MLIP: variants seen among roughly 807,000 people sequenced by gnomAD.
The protein encoded by MLIP is muscular LMNA interacting protein, also known as muscular LMNA-interacting protein.
A neutral mutation model predicts 84.8 loss-of-function variants in MLIP; 79 were observed. The ratio of observed to expected loss-of-function variants is 0.93; its 90% CI spans 0.78 to 1.12. The LOEUF (loss-of-function observed/expected upper bound fraction) is 1.12, where lower values mean the gene tolerates loss of function less well. Among genes scored for constraint, MLIP ranks in the 50% most tolerant of loss-of-function variants. The probability of loss-of-function intolerance (pLI) is 0.00; values close to 1 mark genes in which losing one functional copy is unlikely to be tolerated. For synonymous variants in MLIP, 504 were observed against 463.0 expected (o/e 1.09, Z -1.14); for missense variants, 1,257 against 1,160.6 (o/e 1.08, Z -1.21).
intron 3 of MLIP, among the ~76,000 whole-genome samples, chr6:54,130,004 A>G (rs1771250583): frequency 6.6e-6 from 1 of 152,100 alleles, no homozygotes; most frequent in Non-Finnish European, 1.5e-5. Flanking sequence ...TGATCTTCCC[A>G]CTGCTACCTC....
At chr6:54,165,908 G>C (rs1004750742) in intron 8 of MLIP, among the ~76,000 whole-genome samples, 55 of 151,888 alleles carry the variant, frequency 3.6e-4, no homozygotes, top group Non-Finnish European at 5.9e-4. Context: ...ACAGTCCAGA[G>C]AGAAACCTCT....
rs548272705 is a variant in MLIP at position 54,095,840 on chromosome 6, G to A, written c.64-25607G>A. On this transcript the variant is annotated intron_variant, in intron 1 of 12. Coordinates refer to the MLIP transcript ENST00000274897. Reference sequence around the variant, plus strand: ...GTTTGTTCATGAATTTGCTTTCATGGTCTCAAGATGAATTGCAAGTTTTCT... The same window carrying A: ...GTTTGTTCATGAATTTGCTTTCATGATCTCAAGATGAATTGCAAGTTTTCT... Among the ~76,000 whole-genome samples, 3 of 152,204 alleles carry A rather than the reference G, an allele frequency of 2.0e-5. No individual in the cohort carries two copies. In the South Asian group the frequency reaches 6.2e-4, roughly 32 times the overall value.
Position 54,170,628 on chromosome 6 carries a change from C to G in MLIP, c.2544+1056C>G, listed in dbSNP as rs564312987. ...GTTGCTTTTAGATAACTGTCTGATT[C>G]TGGGAAAATTACTCACCATTTTACC... is the stretch of plus-strand genomic sequence containing the variant. On this transcript the variant is annotated intron_variant, in intron 9 of 13. Coordinates refer to ENST00000502396, the MANE Select transcript of MLIP (RefSeq NM_001281747.2). 4.6e-5 allele frequency among the ~76,000 whole-genome samples: 7 copies of G among 151,612 alleles called. 1 individual carries two copies. The East Asian group carries it at 7.8e-4, about 17-fold the overall frequency.
At chr6:54,222,781 T>G (rs1780304641) in intron 11 of MLIP, among the ~76,000 whole-genome samples, 1 of 152,040 alleles carries the variant, frequency 6.6e-6, no homozygotes, top group African/African-American at 2.4e-5. Context: ...TTTTAAATTT[T>G]GGGGGGAAAC....
At chr6:54,261,822 T>A in intron 13 of MLIP, 1 of 768,066 alleles carries the variant, frequency 1.3e-6, no homozygotes, top group Non-Finnish European at 1.6e-6. Context: ...TCTATTCTTT[T>A]CAGGCAATTT....
chr6:54,255,996 A>C (rs1308213851), intron 12 of MLIP, among the ~76,000 whole-genome samples: 2 of 152,262 alleles, frequency 1.3e-5, no homozygotes, highest in East Asian at 3.9e-4. Context: ...GGATCTCAGG[A>C]GACTCTGATG....
intron 9 of MLIP, among the ~76,000 whole-genome samples, chr6:54,188,337 T>A (rs1036481618): frequency 1.3e-5 from 2 of 152,170 alleles, no homozygotes. Flanking sequence ...TTTTAATTTT[T>A]AAAACTTTTT....
chr6:54,070,833 C>T (rs1200605903), intron 1 of MLIP, among the ~76,000 whole-genome samples: 1 of 151,988 alleles, frequency 6.6e-6, no homozygotes, highest in Non-Finnish European at 1.5e-5. Flanking sequence ...GCTATATATG[C>T]AACACTTGTA....
chr6:54,053,865 T>C (rs1765503562), intron 1 of MLIP, among the ~76,000 whole-genome samples: 1 of 152,190 alleles, frequency 6.6e-6, no homozygotes, highest in Non-Finnish European at 1.5e-5. Context: ...TAGTGGCTAA[T>C]ATAATAAATA....
chr6:54,081,872 A>G (rs1417986266), intron 1 of MLIP, among the ~76,000 whole-genome samples: 1 of 152,026 alleles, frequency 6.6e-6, no homozygotes, highest in East Asian at 1.9e-4. Flanking sequence ...CTTCTGTCAC[A>G]TTTTTCAGCT....
intron 12 of MLIP, among the ~76,000 whole-genome samples, chr6:54,253,203 A>G (rs1407369639): frequency 1.3e-5 from 2 of 152,058 alleles, no homozygotes; most frequent in Non-Finnish European, 2.9e-5. Context: ...TGATGTGGGT[A>G]TTGCTGCAAT....
At chr6:54,029,282 G>T (rs1763991908) in intron 1 of MLIP, 1 of 152,190 alleles carries the variant, frequency 6.6e-6, no homozygotes, top group African/African-American at 2.4e-5. Flanking sequence ...TGAAGAGGTG[G>T]GGCTTTTAAG....
chr6:54,039,669 T>C (rs1391588593), intron 1 of MLIP, among the ~76,000 whole-genome samples: 1 of 151,838 alleles, frequency 6.6e-6, no homozygotes, highest in African/African-American at 2.4e-5. Context: ...CTAAGAGCAG[T>C]GAAGTTTAAG....
At chr6:54,188,584 A>G (rs1022800313) in intron 9 of MLIP, among the ~76,000 whole-genome samples, 7 of 152,256 alleles carry the variant, frequency 4.6e-5, no homozygotes, top group African/African-American at 1.4e-4. Flanking sequence ...TTTTGGCTCC[A>G]CTATAGTCTT....
chr6:54,160,375 T>C lies in MLIP; in HGVS notation c.2298T>C (p.Asp766=). ...ATTTCATTTGTCACTAGGCACTAGA[T>C]GAACCAGCCAAGACTGAAAGTGTCT... The part of the protein sequence containing the change: ...NTLLLEQKAL[D]EPAKTESVSK... The change falls in exon 6 of 14, where the codon GAT becomes GAC. Residue 766 remains aspartate (D), a synonymous_variant. Transcript: ENST00000502396. 1 of 1,612,118 alleles carries C rather than the reference T, an allele frequency of 6.2e-7. No homozygotes were observed. The highest frequency in any genetic ancestry group is 2.2e-5 in the East Asian group (1 of 44,670).
intron 1 of MLIP, among the ~76,000 whole-genome samples, chr6:54,042,252 A>G (rs888215702): frequency 2.0e-5 from 3 of 152,076 alleles, no homozygotes; most frequent in African/African-American, 7.2e-5. Context: ...TGTCTGGACT[A>G]AGTTTTCCTA....
chr6:54,083,629 A>G (rs1767305925), intron 1 of MLIP: 1 of 1,535,906 alleles, frequency 6.5e-7, no homozygotes, highest in Non-Finnish European at 8.7e-7. Flanking sequence ...GAGTTCTATG[A>G]CATTATTAGT....
At chr6:54,055,970 G>A (rs1402561619) in intron 1 of MLIP, among the ~76,000 whole-genome samples, 1 of 151,896 alleles carries the variant, frequency 6.6e-6, no homozygotes, top group Non-Finnish European at 1.5e-5. Flanking sequence ...TTATTACCAG[G>A]TAAATGGTTG....
intron 9 of MLIP, among the ~76,000 whole-genome samples, chr6:54,187,832 A>G (rs1397711343): frequency 6.6e-6 from 1 of 152,094 alleles, no homozygotes; most frequent in Non-Finnish European, 1.5e-5. Flanking sequence ...GTGAAACCCC[A>G]TCTCTAATTA....
Sources: gnomAD v4.1 joint callset for allele counts (sites outside exome capture counted in the v4.1 genomes callset) on GRCh38, gnomAD v4.1.1 for gene constraint, MANE v1.5 for transcripts, NCBI Gene and HGNC (gene_info 2026-07-23, HGNC 2026-07-21) for gene names.